EEA1: variants seen among roughly 807,000 people sequenced by gnomAD.
EEA1 encodes early endosome antigen 1, 162kD.
A neutral mutation model predicts 209.2 loss-of-function variants in EEA1; 111 were observed. That is an observed-to-expected ratio of 0.53 (90% CI 0.45 to 0.62). The LOEUF is 0.62. EEA1 is among the 20% of genes least tolerant of loss of function. The probability of loss-of-function intolerance (pLI) is 0.00; values close to 1 mark genes in which losing one functional copy is unlikely to be tolerated. For missense variants in EEA1, 1,343 were observed against 1,530.8 expected (o/e 0.88, Z 2.05); for synonymous variants, 536 against 540.6 (o/e 0.99, Z 0.12).
At chr12:92,781,813 G>A (rs1873915004) in intron 23 of EEA1, 137 bp downstream of exon 23, 1 of 646,522 alleles carries the variant, frequency 1.5e-6, no homozygotes, top group Non-Finnish European at 2.4e-6. Flanking sequence ...GATCAAAAGT[G>A]TCAGAAACTA....
chr12:92,813,799 G>A (rs1459827116), intron 15 of EEA1, among the ~76,000 whole-genome samples: 2 of 152,136 alleles, frequency 1.3e-5, no homozygotes, highest in South Asian at 2.1e-4. Context: ...CAGATCACAA[G>A]GTCAAGCGAT....
intron 18 of EEA1, among the ~76,000 whole-genome samples, chr12:92,804,043 TATA>T (rs1340568109): frequency 1.3e-5 from 2 of 152,096 alleles, no homozygotes; most frequent in African/African-American, 2.4e-5. Flanking sequence ...AGTTGGAAAC[TATA>T]ATATCTCTTT....
intron 14 of EEA1, among the ~76,000 whole-genome samples, chr12:92,818,333 C>T (rs1338655297): frequency 1.3e-5 from 2 of 152,142 alleles, no homozygotes; most frequent in Admixed American, 6.5e-5. Flanking sequence ...ATGTCACTTG[C>T]TTCTCTTCTC....
chr12:92,789,271 CAG>C lies in EEA1; in HGVS notation c.2968-1224_2968-1223del, dbSNP rs1353884062. Among the ~76,000 whole-genome samples the C allele has an allele frequency of 1.0e-4, 13 of 130,614 alleles. No homozygotes were observed. In the East Asian group the frequency reaches 3.0e-3, roughly 30 times the overall value. 85.7% of individuals were successfully genotyped at this position (130,614 alleles called of 152,430 possible). On this transcript the variant is annotated intron_variant, in intron 21 of 28. Coordinates refer to ENST00000322349, the MANE Select transcript of EEA1 (RefSeq NM_003566.4). ...CACCACTGCACTCCATCCTGGGCAA[CAG>C]AGAGACGCCATCTCAAAAAAAAAAA...
rs191996765 is a variant in EEA1, at chr12:92,793,970, A to C, written c.2967+4922T>G. ...CTACAGAATGGGAGAAAATTTTTGCAATCTCCCCATGTGACAAAAGGCTAA... is the reference window on the plus strand; with the variant it reads ...CTACAGAATGGGAGAAAATTTTTGCCATCTCCCCATGTGACAAAAGGCTAA... On this transcript the variant is annotated intron_variant, in intron 21 of 28. Transcript: ENST00000322349. Among the ~76,000 whole-genome samples, 550 of 152,354 alleles carry C rather than the reference A, an allele frequency of 3.6e-3. 3 individuals are homozygous for C. Among genetic ancestry groups the C allele is most frequent in the African/African-American group, 0.013 (524 of 41,588 alleles).
chr12:92,883,640 T>G (rs1280216107), intron 2 of EEA1: 3 of 506,324 alleles, frequency 5.9e-6, no homozygotes, highest in Admixed American at 3.7e-5. Flanking sequence ...CCACATGATT[T>G]TCTTAATAAT....
chr12:92,783,217 T>A (rs1034530828), intron 22 of EEA1, among the ~76,000 whole-genome samples: 5 of 152,198 alleles, frequency 3.3e-5, no homozygotes, highest in South Asian at 2.1e-4. Flanking sequence ...GTCTTGGGGA[T>A]TGAGCCCCCA....
chr12:92,889,833 G>A (rs989141628), intron 2 of EEA1, among the ~76,000 whole-genome samples: 12 of 152,308 alleles, frequency 7.9e-5, no homozygotes, highest in African/African-American at 2.4e-4. Flanking sequence ...AGAATCATTC[G>A]AACCTGGGAG....
chr12:92,875,643 A>AT (rs1360239684), intron 2 of EEA1, among the ~76,000 whole-genome samples: 4 of 152,146 alleles, frequency 2.6e-5, no homozygotes, highest in Non-Finnish European at 5.9e-5. Flanking sequence ...AGTGTATCCC[A>AT]TAAAAATGCA....
chr12:92,891,564 T>C, intron 2 of EEA1, 65 bp downstream of exon 2: 1 of 1,252,888 alleles, frequency 8.0e-7, no homozygotes, highest in Non-Finnish European at 1.1e-6. Flanking sequence ...CACCAATCGT[T>C]ACACCAAATA....
chr12:92,888,897 C>G (rs1001320400), intron 2 of EEA1, among the ~76,000 whole-genome samples: 1 of 152,000 alleles, frequency 6.6e-6, no homozygotes, highest in Non-Finnish European at 1.5e-5. Flanking sequence ...CACCTATAAT[C>G]CCGGCACTTT....
chr12:92,801,581 T>C lies in EEA1; in HGVS notation c.2772+19A>G, dbSNP rs372842217. The C allele has an allele frequency of 3.0e-4, 460 of 1,519,998 alleles. No individual in the cohort carries two copies. Among genetic ancestry groups the C allele is most frequent in the Non-Finnish European group, 3.8e-4 (430 of 1,120,142 alleles). The allele number at this position is 1,519,998 out of a possible 1,614,324, so 94.2% of individuals were successfully genotyped here. ...TTACTATACTTTACAGATTTTATGT[T>C]ACAAAAAAAAAATCTTACCTCCTTC... is the stretch of plus-strand genomic sequence containing the variant. On this transcript the variant is annotated intron_variant, in intron 20 of 28. Coordinates refer to ENST00000322349, the MANE Select transcript of EEA1 (RefSeq NM_003566.4).
intron 3 of EEA1, among the ~76,000 whole-genome samples, chr12:92,862,178 T>C (rs1329714881): frequency 3.3e-5 from 5 of 151,786 alleles, no homozygotes; most frequent in African/African-American, 1.2e-4. Context: ...AACTGAGGTG[T>C]AGGAAAATGG....
chr12:92,811,382 T>C lies in EEA1; in HGVS notation c.2096A>G (p.Asp699Gly), dbSNP rs1280613455. Residue 699 changes from aspartate (D) to glycine (G), a missense_variant, in exon 17 of 29, where the codon GAC becomes GGC. By Grantham distance (94) the Asp-to-Gly change is moderately conservative (BLOSUM62 -1). Around this residue, in one of 3 missense-constraint regions of EEA1, gnomAD observed 1,307 missense variants for 1,465.5 expected, o/e 0.89. Transcript: ENST00000322349. ...CAGCTGACTGCAATGTTCTTGCTTG[T>C]CTTGTAACTTTGCAGTGACCTGATC... Reference protein sequence around the residue: ...QLDQVTAKLQDKQEHCSQLES... With the variant: ...QLDQVTAKLQGKQEHCSQLES... 1.2e-6 allele frequency: 2 copies of C among 1,604,860 alleles called. No individual in the cohort carries two copies. Among genetic ancestry groups the C allele is most frequent in the Non-Finnish European group, 1.7e-6 (2 of 1,176,336 alleles).
chr12:92,925,853 CTT>C (rs1565866543), intron 1 of EEA1, among the ~76,000 whole-genome samples: 2 of 152,228 alleles, frequency 1.3e-5, no homozygotes, highest in East Asian at 3.9e-4. Context: ...TGTTCAAACA[CTT>C]TGAGTTCTAA....
chr12:92,811,701 G>A (rs968038050), intron 16 of EEA1, among the ~76,000 whole-genome samples: 1 of 151,698 alleles, frequency 6.6e-6, no homozygotes, highest in African/African-American at 2.4e-5. Flanking sequence ...ATTATTTTAG[G>A]AGCCAAATAT....
At chr12:92,789,205 G>A (rs545294942) in intron 21 of EEA1, among the ~76,000 whole-genome samples, 249 of 150,520 alleles carry the variant, frequency 1.7e-3, no homozygotes, top group Non-Finnish European at 3.2e-3. Flanking sequence ...CAGAAGAATC[G>A]CCTGAACACA....
chr12:92,905,069 T>G (rs916732481), intron 1 of EEA1, among the ~76,000 whole-genome samples: 3 of 152,080 alleles, frequency 2.0e-5, no homozygotes, highest in African/African-American at 7.2e-5. Flanking sequence ...TGAAGCTATC[T>G]AGGGGCCCAT....
At position 92,816,130 on chromosome 12, in the gene EEA1, TAGAAAC is replaced by T. The variant is rs1463268598; in HGVS notation, c.1929+64_1929+69del. Reference sequence around the variant, plus strand: ...AATTAATATGCAAGGTAAAAAGAGATAGAAACAGAATTTAAAACATTTGACGGTCTA... The same window carrying T: ...AATTAATATGCAAGGTAAAAAGAGATAGAATTTAAAACATTTGACGGTCTA... On this transcript the variant is annotated intron_variant, in intron 15 of 28. Transcript: ENST00000322349. The T allele has an allele frequency of 4.3e-6, 6 of 1,381,820 alleles. No individual in the cohort carries two copies. The African/African-American group carries it at 5.8e-5, about 13-fold the overall frequency. 85.6% of individuals were successfully genotyped at this position (1,381,820 alleles called of 1,614,324 possible).
Sources: gnomAD v4.1 joint callset for allele counts (sites outside exome capture counted in the v4.1 genomes callset) on GRCh38, gnomAD v4.1.1 for gene constraint, gnomAD v4.1.1 regional missense constraint, MANE v1.5 for transcripts, NCBI Gene and HGNC (gene_info 2026-07-23, HGNC 2026-07-21) for gene names.